The following ATOSA variants were observed in gnomAD, a reference collection of about 807,000 sequenced individuals.
The protein encoded by ATOSA is atos homolog A.
chr15:52,605,209 T>C, the ATOSA span: 6 of 1,611,138 alleles, frequency 3.7e-6, no homozygotes, highest in Admixed American at 1.7e-5. Context: ...ATGAAAATTA[T>C]GTTTTCGCCA....
chr15:52,707,315 G>T, the ATOSA span, among the ~76,000 whole-genome samples: 1 of 152,124 alleles, frequency 6.6e-6, no homozygotes, highest in Non-Finnish European at 1.5e-5. Flanking sequence ...GAAAAAATAG[G>T]CAGCAAATAG....
chr15:52,643,849 G>T, the ATOSA span, among the ~76,000 whole-genome samples: 2 of 151,650 alleles, frequency 1.3e-5, no homozygotes, highest in Non-Finnish European at 2.9e-5. Context: ...GGAGGCGGAG[G>T]TTGCAGTGAG....
the ATOSA span, chr15:52,613,552 T>G: frequency 1.6e-6 from 2 of 1,215,378 alleles, no homozygotes; most frequent in Middle Eastern, 2.1e-4. Flanking sequence ...TTTTTTCCCT[T>G]TATGATTATG....
chr15:52,637,663 T>C, the ATOSA span, among the ~76,000 whole-genome samples: 1 of 152,302 alleles, frequency 6.6e-6, no homozygotes, highest in South Asian at 2.1e-4. Flanking sequence ...GTAAATATAA[T>C]TATATTGGAT....
the ATOSA span, among the ~76,000 whole-genome samples, chr15:52,671,872 G>T: frequency 2.0e-5 from 3 of 151,418 alleles, no homozygotes; most frequent in Non-Finnish European, 4.4e-5. Flanking sequence ...AGCTAGTGGG[G>T]CTGGATATGG....
At chr15:52,705,009 T>C in the ATOSA span, among the ~76,000 whole-genome samples, 8 of 152,208 alleles carry the variant, frequency 5.3e-5, no homozygotes, top group Non-Finnish European at 5.9e-5. Context: ...ACTGGGTATA[T>C]ACCCAAAGGA....
the ATOSA span, among the ~76,000 whole-genome samples, chr15:52,672,172 C>CAAAAAAAAAAAAAAAAAAAAAAAA: frequency 8.0e-5 from 5 of 62,588 alleles, 2 homozygotes; most frequent in African/African-American, 3.4e-4. Context: ...CCCCATTTCT[C>CAAAAAAAAAAAAAAAAAAAAAAAA]AAAAAAAAAA....
chr15:52,705,699 C>T, the ATOSA span, among the ~76,000 whole-genome samples: 3 of 152,084 alleles, frequency 2.0e-5, no homozygotes, highest in African/African-American at 4.8e-5. Flanking sequence ...ACATAGATTC[C>T]CAGCACCAGA....
At chr15:52,597,601 A>C in the ATOSA span, among the ~76,000 whole-genome samples, 1 of 152,234 alleles carries the variant, frequency 6.6e-6, no homozygotes, top group Non-Finnish European at 1.5e-5. Flanking sequence ...GAAAGCACTA[A>C]GATTCCCTCA....
chr15:52,649,224 A>G, the ATOSA span, among the ~76,000 whole-genome samples: 1 of 152,276 alleles, frequency 6.6e-6, no homozygotes, highest in South Asian at 2.1e-4. Flanking sequence ...TGAAAAGCAA[A>G]TATTTCTTAG....
chr15:52,628,346 A>G, the ATOSA span, among the ~76,000 whole-genome samples: 13 of 152,350 alleles, frequency 8.5e-5, no homozygotes, highest in African/African-American at 2.6e-4. Flanking sequence ...AAAGACTTAA[A>G]AAGAACCTAA....
chr15:52,616,763 C>A, the ATOSA span, among the ~76,000 whole-genome samples: 20 of 152,116 alleles, frequency 1.3e-4, no homozygotes, highest in Non-Finnish European at 2.6e-4. Flanking sequence ...ATGCAATGAC[C>A]ATAGACTGCC....
chr15:52,609,228 A>T, the ATOSA span: 8 of 1,611,886 alleles, frequency 5.0e-6, no homozygotes, highest in Non-Finnish European at 6.8e-6. Context: ...TAAAACATTT[A>T]TTAGGTACTA....
the ATOSA span, among the ~76,000 whole-genome samples, chr15:52,589,195 T>A: frequency 6.6e-6 from 1 of 152,220 alleles, no homozygotes; most frequent in African/African-American, 2.4e-5. Context: ...ACTTTAACAA[T>A]TTATCTCTTA....
chr15:52,704,524 C>T, the ATOSA span, among the ~76,000 whole-genome samples: 6 of 151,998 alleles, frequency 3.9e-5, no homozygotes, highest in Admixed American at 1.3e-4. Context: ...ATTAAACTAA[C>T]GAGCTTCTGC....
At chr15:52,665,807 G>A in the ATOSA span, among the ~76,000 whole-genome samples, 1 of 152,052 alleles carries the variant, frequency 6.6e-6, no homozygotes, top group Non-Finnish European at 1.5e-5. Flanking sequence ...TTTTACCACA[G>A]TTAAAAATTA....
the ATOSA span, among the ~76,000 whole-genome samples, chr15:52,637,903 TC>T: frequency 7.9e-5 from 12 of 152,204 alleles, no homozygotes; most frequent in African/African-American, 2.7e-4. Context: ...ATTAGGATTT[TC>T]TAAATAAACA....
the ATOSA span, chr15:52,610,335 T>A: frequency 6.2e-7 from 1 of 1,613,034 alleles, no homozygotes; most frequent in South Asian, 1.1e-5. Context: ...CATGCTCAAT[T>A]GGAGTCTGTG....
chr15:52,587,836 T>A, the ATOSA span, among the ~76,000 whole-genome samples: 8 of 152,252 alleles, frequency 5.3e-5, no homozygotes, highest in Non-Finnish European at 7.3e-5. Flanking sequence ...ATAGTAAAGC[T>A]ATAAAATCTC....
Sources: gnomAD v4.1 joint callset for allele counts (sites outside exome capture counted in the v4.1 genomes callset) on GRCh38, gnomAD v4.1.1 for gene constraint, MANE v1.5 for transcripts, NCBI Gene and HGNC (gene_info 2026-07-23, HGNC 2026-07-21) for gene names.